NTM: variants seen among roughly 807,000 people sequenced by gnomAD.
NTM encodes neurotrimin, also known as IgLON family member 2.
NTM carries 13 observed loss-of-function variants against 42.1 expected under a neutral mutation model. The observed-to-expected ratio is 0.31, with a 90% CI of 0.20 to 0.49. The LOEUF is 0.49. Ranked by LOEUF, NTM falls within the 20% of genes least tolerant of loss-of-function variation. The probability of loss-of-function intolerance (pLI) is 0.99; values close to 1 mark genes in which losing one functional copy is unlikely to be tolerated. For missense variants in NTM, 373 were observed against 452.8 expected (o/e 0.82, Z 1.60); for synonymous variants, 187 against 179.2 (o/e 1.04, Z -0.35).
At chr11:131,889,458 A>G (rs2050918972) in intron 1 of NTM, among the ~76,000 whole-genome samples, 3 of 152,148 alleles carry the variant, frequency 2.0e-5, no homozygotes, top group Non-Finnish European at 1.5e-5. Context: ...TGTTCCTTTG[A>G]TGTGTGCTAA....
chr11:131,575,625 C>G (rs554635850), intron 1 of NTM, among the ~76,000 whole-genome samples: 1 of 152,330 alleles, frequency 6.6e-6, no homozygotes, highest in South Asian at 2.1e-4. Context: ...AATTCCCAGC[C>G]TGATCTTTCT....
At chr11:132,150,961 G>A (rs752932191) in intron 3 of NTM, among the ~76,000 whole-genome samples, 20 of 152,176 alleles carry the variant, frequency 1.3e-4, no homozygotes, top group Non-Finnish European at 2.5e-4. Context: ...AATACCACCC[G>A]TGGATTTGCA....
rs75433484 is a variant in NTM, at chr11:131,686,392, G to A, written c.83-225172G>A. Among the ~76,000 whole-genome samples, 983 of 152,310 alleles carry A rather than the reference G, an allele frequency of 6.5e-3. 13 individuals are homozygous for A. Among genetic ancestry groups the A allele is most frequent in the African/African-American group, 0.022 (925 of 41,558 alleles). On this transcript the variant is annotated intron_variant, in intron 1 of 8. Coordinates refer to ENST00000683400, the MANE Select transcript of NTM (RefSeq NM_001352005.2). Reference sequence around the variant, plus strand: ...CATAATCTCACAATAAAGTAAGCTAGAGGAAAGAAAATGGTATTAAGAAAA... The same window carrying A: ...CATAATCTCACAATAAAGTAAGCTAAAGGAAAGAAAATGGTATTAAGAAAA...
intron 1 of NTM, among the ~76,000 whole-genome samples, chr11:131,891,414 A>G (rs897019574): frequency 1.3e-4 from 20 of 152,170 alleles, no homozygotes; most frequent in Admixed American, 1.2e-3. Context: ...GCACTTGGGA[A>G]GATGCTGTCC....
intron 2 of NTM, among the ~76,000 whole-genome samples, chr11:132,136,056 T>TAAA (rs2067856283): frequency 3.9e-5 from 6 of 152,206 alleles, no homozygotes; most frequent in Admixed American, 3.9e-4. Context: ...TTCCAGACCC[T>TAAA]GGGGACCCCT....
intron 1 of NTM, chr11:131,662,033 A>T (rs1007457512): frequency 3.9e-5 from 6 of 152,244 alleles, no homozygotes; most frequent in Admixed American, 2.0e-4. Context: ...TTTCAACTTC[A>T]ACACTATGTC....
chr11:131,378,296 A>G (rs527707210), intron 1 of NTM, among the ~76,000 whole-genome samples: 2 of 152,338 alleles, frequency 1.3e-5, no homozygotes, highest in African/African-American at 4.8e-5. Flanking sequence ...AAAATAAAAC[A>G]CTTGGACTAA....
intron 1 of NTM, among the ~76,000 whole-genome samples, chr11:131,799,350 G>A (rs572127308): frequency 2.0e-5 from 3 of 152,168 alleles, no homozygotes; most frequent in Admixed American, 6.5e-5. Context: ...GACACATCAG[G>A]AAATGCTCTT....
chr11:131,546,116 G>T (rs971843017), intron 1 of NTM, among the ~76,000 whole-genome samples: 1 of 152,180 alleles, frequency 6.6e-6, no homozygotes, highest in African/African-American at 2.4e-5. Flanking sequence ...ATGTTCCAGT[G>T]TCAGGTCTTT....
intron 2 of NTM, among the ~76,000 whole-genome samples, chr11:132,017,510 T>G (rs2073626164): frequency 6.6e-6 from 1 of 152,058 alleles, no homozygotes; most frequent in African/African-American, 2.4e-5. Context: ...TTTTATGTTA[T>G]TGATCTAAAT....
rs115413734 is a variant in NTM at position 131,740,186 on chromosome 11, G to A, written c.83-171378G>A. Among the ~76,000 whole-genome samples, 482 of 152,292 alleles carry A rather than the reference G, an allele frequency of 3.2e-3. 4 individuals are homozygous for A. Among genetic ancestry groups the A allele is most frequent in the African/African-American group, 0.011 (451 of 41,548 alleles). ...AAAGCATGGGCTACGTTGTAAGAGT[G>A]TATTCAATTCCCAGCCTCACTGGTT... On this transcript the variant is annotated intron_variant, in intron 1 of 8. Coordinates refer to ENST00000683400, the MANE Select transcript of NTM (RefSeq NM_001352005.2).
At chr11:131,551,352 AAAG>A (rs755970102) in intron 1 of NTM, among the ~76,000 whole-genome samples, 27 of 152,282 alleles carry the variant, frequency 1.8e-4, no homozygotes, top group Non-Finnish European at 2.8e-4. Context: ...GAAGTAAGCA[AAAG>A]AAGAAGAATG....
Position 131,899,773 on chromosome 11 carries a change from TAAG to T in NTM, c.83-11789_83-11787del, listed in dbSNP as rs372481556. ...TCCTTTAACTACTGTCTTGATTTCT[TAAG>T]AGTTTTTTTATTTTATTTTAGCTAG... On this transcript the variant is annotated intron_variant, in intron 1 of 8. Transcript: ENST00000683400. Among the ~76,000 whole-genome samples, 19 of 152,094 alleles carry T rather than the reference TAAG, an allele frequency of 1.2e-4. 2 individuals are homozygous for T. Among genetic ancestry groups the T allele is most frequent in the African/African-American group, 4.6e-4 (19 of 41,454 alleles).
At chr11:132,236,115 T>C (rs891888288) in intron 4 of NTM, among the ~76,000 whole-genome samples, 1 of 152,182 alleles carries the variant, frequency 6.6e-6, no homozygotes, top group African/African-American at 2.4e-5. Flanking sequence ...TTCGTTGTCA[T>C]TGAAGGCATG....
chr11:131,400,618 A>C (rs936227396), intron 1 of NTM, among the ~76,000 whole-genome samples: 1 of 152,184 alleles, frequency 6.6e-6, no homozygotes, highest in African/African-American at 2.4e-5. Context: ...GGCATTGTCG[A>C]CATGGAACAC....
intron 2 of NTM, among the ~76,000 whole-genome samples, chr11:132,037,117 A>G (rs976683753): frequency 6.6e-6 from 1 of 151,896 alleles, no homozygotes; most frequent in Admixed American, 6.6e-5. Context: ...GTAGGGCCTA[A>G]TAGAAGGTGT....
At chr11:132,325,106 G>A (rs373415562) in intron 7 of NTM, among the ~76,000 whole-genome samples, 4,383 of 151,746 alleles carry the variant, frequency 0.029, 183 homozygotes, top group African/African-American at 0.099. Context: ...GGACATAGGC[G>A]TGGGCAAGGA....
chr11:131,646,001 G>A (rs185607665), intron 1 of NTM, among the ~76,000 whole-genome samples: 13 of 152,194 alleles, frequency 8.5e-5, no homozygotes, highest in Admixed American at 2.0e-4. Context: ...ATGTCAGTAC[G>A]GAGCACAGGT....
intron 4 of NTM, among the ~76,000 whole-genome samples, chr11:132,288,082 G>T (rs559916704): frequency 6.6e-6 from 1 of 152,192 alleles, no homozygotes; most frequent in Non-Finnish European, 1.5e-5. Context: ...TGTGTGCAGC[G>T]CACAGAGCCT....
Sources: gnomAD v4.1 joint callset for allele counts (sites outside exome capture counted in the v4.1 genomes callset) on GRCh38, gnomAD v4.1.1 for gene constraint, MANE v1.5 for transcripts, NCBI Gene and HGNC (gene_info 2026-07-23, HGNC 2026-07-21) for gene names.